Variants in FBLN2 observed in about 807,000 individuals in gnomAD.
FBLN2 encodes the protein fibulin 2, also known as fibulin-2.
A neutral mutation model predicts 123.7 loss-of-function variants in FBLN2; 81 were observed. The ratio of observed to expected loss-of-function variants is 0.65; its 90% CI spans 0.55 to 0.79. FBLN2 has a LOEUF of 0.79. Among genes scored for constraint, FBLN2 ranks in the 30% least tolerant of loss-of-function variants. FBLN2 has a pLI of 0.00. For synonymous variants in FBLN2, 699 were observed against 701.4 expected, an observed-to-expected ratio of 1.00 and a Z score of 0.05; for missense variants, 1,603 against 1,681.3, an observed-to-expected ratio of 0.95 and a Z score of 0.81.
chr3:13,621,482 T>C (rs1333035915), intron 8 of FBLN2, among the ~76,000 whole-genome samples: 1 of 152,112 alleles, frequency 6.6e-6, no homozygotes, highest in Admixed American at 6.5e-5. Context: ...CCCGTGGATG[T>C]GGGAAGTATC....
At chr3:13,552,290 A>C (rs1703344676) in intron 1 of FBLN2, among the ~76,000 whole-genome samples, 1 of 152,018 alleles carries the variant, frequency 6.6e-6, no homozygotes, top group Non-Finnish European at 1.5e-5. Context: ...GCAGCATTGG[A>C]GGTGAGAGTG....
Position 13,570,962 on chromosome 3 carries a change from G to A in FBLN2, c.607G>A (p.Val203Met), listed in dbSNP as rs1703923613. The change falls in exon 2 of 18, where the codon GTG (valine) becomes ATG (methionine). Residue 203 changes from valine (V) to methionine (M), a missense_variant. Transcript: ENST00000404922. ...YEDPYSYDQEVAEVEAATALG... is the reference protein window; with the variant it reads ...YEDPYSYDQEMAEVEAATALG... ...AGACCCCTACAGCTATGACCAGGAG[G>A]TGGCCGAGGTGGAAGCAGCAACAGC... The A allele has an allele frequency of 1.2e-6, 2 of 1,611,738 alleles. No individual in the cohort carries two copies. The highest frequency in any genetic ancestry group is 2.2e-5 in the South Asian group (2 of 90,670).
In FBLN2 at chr3:13,550,454, C is replaced by T. The variant is rs113722507; in HGVS notation, c.-42+1246C>T. ...TCCCAAGCAGGCCTGAGCCAGCAGG[C>T]GTCCCCTGACAGGCCAAAAAGAGAA... On this transcript the variant is annotated intron_variant, in intron 1 of 17. Coordinates refer to ENST00000404922, the MANE Select transcript of FBLN2 (RefSeq NM_001004019.2). Among the ~76,000 whole-genome samples, 14 of 152,360 alleles carry T rather than the reference C, an allele frequency of 9.2e-5. 1 individual carries two copies. Among genetic ancestry groups the T allele is most frequent in the Admixed American group, 2.6e-4 (4 of 15,310 alleles).
At chr3:13,586,512 T>A (rs541419234) in intron 2 of FBLN2, among the ~76,000 whole-genome samples, 136 of 147,818 alleles carry the variant, frequency 9.2e-4, no homozygotes, top group East Asian at 9.0e-3. Flanking sequence ...TTTTTTTTTT[T>A]ATTGAAATGG....
chr3:13,582,057 C>T (rs1574959129), intron 2 of FBLN2, among the ~76,000 whole-genome samples: 1 of 152,280 alleles, frequency 6.6e-6, no homozygotes, highest in East Asian at 1.9e-4. Flanking sequence ...TGTTGGCTTC[C>T]TCCCAGAGCT....
At chr3:13,588,205 G>GT (rs1704567400) in intron 2 of FBLN2, among the ~76,000 whole-genome samples, 1 of 152,184 alleles carries the variant, frequency 6.6e-6, no homozygotes, top group African/African-American at 2.4e-5. Context: ...TTGTGTTCCA[G>GT]TTGCCTGTAG....
At chr3:13,633,732 G>GGAAAATCCT (rs1228101365) in intron 16 of FBLN2, among the ~76,000 whole-genome samples, 1 of 152,200 alleles carries the variant, frequency 6.6e-6, no homozygotes, top group Non-Finnish European at 1.5e-5. Context: ...GAAAAGGACA[G>GGAAAATCCT]GAAAATCCGA....
At chr3:13,555,462 A>G (rs1483914370) in intron 1 of FBLN2, among the ~76,000 whole-genome samples, 3 of 150,104 alleles carry the variant, frequency 2.0e-5, no homozygotes, top group African/African-American at 7.4e-5. Flanking sequence ...TTATTCATTT[A>G]TTTATTTTTT....
Position 13,637,915 on chromosome 3 carries a change from T to C in FBLN2, c.3692T>C (p.Leu1231Pro). Residue 1231 changes from leucine (L) to proline (P), a missense_variant, in exon 18 of 18, where the codon CTG (leucine) becomes CCG (proline). Physicochemically the swap from Leu to Pro is moderately conservative, Grantham distance 98. Transcript: ENST00000404922. ...KMHIFFTTFAL is the reference protein window; with the variant it reads ...KMHIFFTTFAP ...CACATCTTCTTCACCACCTTTGCCC[T>C]GTGAGGTGCCAGCACGGGCCACCTG... The C allele has an allele frequency of 6.3e-7, 1 of 1,579,794 alleles. No individual in the cohort carries two copies. Among genetic ancestry groups the C allele is most frequent in the East Asian group, 2.3e-5 (1 of 44,424 alleles).
Position 13,621,895 on chromosome 3 carries a change from A to G in FBLN2, c.2276A>G (p.Asn759Ser), listed in dbSNP as rs376467166. The part of the protein sequence containing the change: ...TVLCADGYIL[N>S]AHRKCVDINE... ...CTCTGTGCCGATGGCTATATCCTCA[A>G]TGCGCACAGGAAGTGCGTGGGTAAG... is the stretch of plus-strand genomic sequence containing the variant. Residue 759 changes from asparagine (N) to serine (S), a missense_variant, in exon 9 of 18, where the codon AAT becomes AGT. Transcript: ENST00000404922. 9 of 1,613,436 alleles carry G rather than the reference A, an allele frequency of 5.6e-6. No individual in the cohort carries two copies. Among genetic ancestry groups the G allele is most frequent in the African/African-American group, 2.7e-5 (2 of 75,026 alleles).
intron 10 of FBLN2, 29 bp from the exon 11 acceptor site, chr3:13,627,803 G>A (rs768751673): frequency 6.2e-7 from 1 of 1,601,968 alleles, no homozygotes; most frequent in East Asian, 2.2e-5. Flanking sequence ...CTGCCCCCCA[G>A]CCCTTGACAC....
At chr3:13,577,281 C>T (rs1475989876) in intron 2 of FBLN2, among the ~76,000 whole-genome samples, 1 of 151,628 alleles carries the variant, frequency 6.6e-6, no homozygotes, top group Non-Finnish European at 1.5e-5. Flanking sequence ...GGGAGTCCTC[C>T]CTGGGGCGGT....
rs1159138201 is a variant in FBLN2 at position 13,636,428 on chromosome 3, C to T, written c.3215-17C>T. 1.9e-6 allele frequency: 3 copies of T among 1,612,626 alleles called. No individual in the cohort carries two copies. Among genetic ancestry groups the T allele is most frequent in the South Asian group, 1.1e-5 (1 of 90,800 alleles). ...CCCAGCTGTGGGGACCCTGCCATTG[C>T]CCCTCTTCTCCCCCAGACGTGGATG... On this transcript the variant is annotated splice_polypyrimidine_tract_variant and intron_variant, in intron 16 of 17. Transcript: ENST00000404922.
At chr3:13,577,137 C>T (rs1427269582) in intron 2 of FBLN2, among the ~76,000 whole-genome samples, 8 of 151,230 alleles carry the variant, frequency 5.3e-5, no homozygotes, top group Non-Finnish European at 1.0e-4. Flanking sequence ...GCAGGAGAAT[C>T]GCTTGAACCC....
chr3:13,621,074 G>T (rs1297435592), intron 8 of FBLN2, among the ~76,000 whole-genome samples: 1 of 152,202 alleles, frequency 6.6e-6, no homozygotes, highest in African/African-American at 2.4e-5. Context: ...AGGCCCCTCT[G>T]CCTGTGCTGC....
At chr3:13,627,286 C>T (rs1040135189) in intron 10 of FBLN2, among the ~76,000 whole-genome samples, 2 of 152,126 alleles carry the variant, frequency 1.3e-5, no homozygotes, top group African/African-American at 4.8e-5. Context: ...TTGGCATGTT[C>T]CAGAAACAGA....
rs967302223 is a variant in FBLN2 at position 13,638,179 on chromosome 3, G to C, written c.*260G>C. 1 of 641,484 alleles carries C rather than the reference G, an allele frequency of 1.6e-6. No individual in the cohort carries two copies. Among genetic ancestry groups the C allele is most frequent in the East Asian group, 3.0e-5 (1 of 33,562 alleles). 39.7% of individuals were successfully genotyped at this position (641,484 alleles called of 1,614,324 possible). ...GCGGGTGCCCTGTGGGTGAGGCTGG[G>C]TGATGACCTGAGGACCAGAGACACG... On this transcript the variant is annotated 3_prime_UTR_variant, in exon 18 of 18. Transcript: ENST00000404922.
At chr3:13,552,948 T>G (rs1358317873) in intron 1 of FBLN2, among the ~76,000 whole-genome samples, 1 of 152,094 alleles carries the variant, frequency 6.6e-6, no homozygotes, top group Non-Finnish European at 1.5e-5. Context: ...CTGCATGGGT[T>G]GCTCTGAAAT....
At chr3:13,632,593 G>T (rs922104059) in intron 16 of FBLN2, among the ~76,000 whole-genome samples, 1 of 152,300 alleles carries the variant, frequency 6.6e-6, no homozygotes, top group South Asian at 2.1e-4. Context: ...AGCAGCATAG[G>T]GCAGAGTGGA....
Sources: allele counts gnomAD v4.1 joint callset (sites outside exome capture counted in the v4.1 genomes callset), GRCh38; gene constraint gnomAD v4.1.1; transcripts MANE v1.5; gene names NCBI Gene and HGNC (gene_info 2026-07-23, HGNC 2026-07-21).